The following MYT1L variants were observed in gnomAD, a reference collection of about 807,000 sequenced individuals.
MYT1L encodes myelin transcription factor 1-like protein.
A neutral mutation model predicts 126.7 loss-of-function variants in MYT1L; 12 were observed. The ratio of observed to expected loss-of-function variants is 0.09; its 90% confidence interval spans 0.06 to 0.15. The LOEUF is 0.15. MYT1L is among the 10% of genes least tolerant of loss of function. The probability of loss-of-function intolerance (pLI) is 1.00; values close to 1 mark genes in which losing one functional copy is unlikely to be tolerated. For synonymous variants in MYT1L, 541 were observed against 604.2 expected (o/e 0.90, Z 1.53); for missense variants, 979 against 1,585.2 (o/e 0.62, Z 6.49).
intron 3 of MYT1L, among the ~76,000 whole-genome samples, chr2:2,130,013 G>T (rs770163708): frequency 4.0e-5 from 6 of 151,888 alleles, no homozygotes; most frequent in African/African-American, 9.7e-5. Context: ...AATTTTCTAC[G>T]TGGGAAAAGG....
chr2:2,246,054 A>G (rs9808135), intron 2 of MYT1L, among the ~76,000 whole-genome samples: 29,309 of 152,162 alleles, frequency 0.19, 3,012 homozygotes, highest in Non-Finnish European at 0.23. Flanking sequence ...CATTCTTTCA[A>G]CCACTGTGTT....
At chr2:2,096,775 C>T (rs562878506) in intron 3 of MYT1L, among the ~76,000 whole-genome samples, 17 of 152,172 alleles carry the variant, frequency 1.1e-4, no homozygotes, top group Non-Finnish European at 1.9e-4. Flanking sequence ...TCTGAGAATA[C>T]CGAGGCCACG....
chr2:1,829,966 T>G (rs1032143921), intron 21 of MYT1L, among the ~76,000 whole-genome samples: 1 of 152,194 alleles, frequency 6.6e-6, no homozygotes. Flanking sequence ...GAGTCAATGG[T>G]GCAGGAAAAC....
intron 1 of MYT1L, among the ~76,000 whole-genome samples, chr2:2,285,981 T>C (rs552792735): frequency 6.9e-6 from 1 of 144,012 alleles, no homozygotes; most frequent in Non-Finnish European, 1.6e-5. Flanking sequence ...CTCTTCTTCT[T>C]CTTCTTCCTT....
chr2:2,236,801 TCTTCTTCTTC>T (rs1559421039), intron 2 of MYT1L, among the ~76,000 whole-genome samples: 20 of 20,448 alleles, frequency 9.8e-4, no homozygotes, highest in African/African-American at 2.3e-3. Flanking sequence ...TTCTTCTTCT[TCTTCTTCTTC>T]TTCTTTTTTT....
intron 2 of MYT1L, among the ~76,000 whole-genome samples, chr2:2,262,328 C>T (rs2094989777): frequency 6.6e-6 from 1 of 152,090 alleles, no homozygotes; most frequent in Admixed American, 6.5e-5. Context: ...AATTATGATT[C>T]CTTCCAGCCT....
At chr2:1,951,627 CCT>C (rs563517545) in intron 8 of MYT1L, among the ~76,000 whole-genome samples, 29 of 152,284 alleles carry the variant, frequency 1.9e-4, no homozygotes, top group East Asian at 9.6e-4. Flanking sequence ...AGGATCTGCC[CCT>C]GTTTAACCGC....
At chr2:2,064,786 G>A (rs1451597644) in intron 3 of MYT1L, among the ~76,000 whole-genome samples, 1 of 152,148 alleles carries the variant, frequency 6.6e-6, no homozygotes, top group South Asian at 2.1e-4. Flanking sequence ...AAGCTTGTTG[G>A]AAAGTAAAAT....
At chr2:1,808,945 G>T in intron 22 of MYT1L, 131 bp downstream of exon 22, 1 of 783,204 alleles carries the variant, frequency 1.3e-6, no homozygotes, top group Non-Finnish European at 2.1e-6. Flanking sequence ...TAGATGAGAG[G>T]GCCAGAATTA....
chr2:1,934,061 G>A (rs1036284768), intron 9 of MYT1L, among the ~76,000 whole-genome samples: 5 of 141,668 alleles, frequency 3.5e-5, no homozygotes, highest in Admixed American at 1.5e-4. Context: ...TGCAAGCTCC[G>A]CCTCCCAGGT....
At chr2:1,984,505 ATTTTTTTTT>A (rs35510686) in intron 5 of MYT1L, among the ~76,000 whole-genome samples, 2 of 114,276 alleles carry the variant, frequency 1.8e-5, no homozygotes, top group African/African-American at 7.4e-5. Flanking sequence ...CCAAGAACTA[ATTTTTTTTT>A]TTTTTTTTTT....
At chr2:2,227,864 A>C (rs570511048) in intron 2 of MYT1L, among the ~76,000 whole-genome samples, 5 of 152,346 alleles carry the variant, frequency 3.3e-5, no homozygotes, top group African/African-American at 9.6e-5. Flanking sequence ...ATTATCCAGA[A>C]AAATAATTCA....
intron 4 of MYT1L, among the ~76,000 whole-genome samples, chr2:2,044,540 G>T (rs920239465): frequency 6.6e-6 from 1 of 152,172 alleles, no homozygotes; most frequent in African/African-American, 2.4e-5. Context: ...TTTTGAAAAT[G>T]CTAGAGTCTC....
chr2:1,955,715 C>G (rs2058283081), intron 8 of MYT1L, among the ~76,000 whole-genome samples: 1 of 152,218 alleles, frequency 6.6e-6, no homozygotes, highest in African/African-American at 2.4e-5. Flanking sequence ...CAGTTACAAG[C>G]TGCCATGTCT....
chr2:2,225,514 A>G (rs2093985843), intron 2 of MYT1L, among the ~76,000 whole-genome samples: 1 of 152,148 alleles, frequency 6.6e-6, no homozygotes, highest in Non-Finnish European at 1.5e-5. Context: ...GAGTGGTCTA[A>G]AAACCGTGAG....
chr2:2,166,018 A>T (rs2089051483), intron 3 of MYT1L, among the ~76,000 whole-genome samples: 1 of 152,224 alleles, frequency 6.6e-6, no homozygotes, highest in Non-Finnish European at 1.5e-5. Context: ...ATGAAATATT[A>T]TGAGAGCTAT....
chr2:2,106,273 T>C (rs1475637891), intron 3 of MYT1L, among the ~76,000 whole-genome samples: 2 of 152,216 alleles, frequency 1.3e-5, no homozygotes, highest in Non-Finnish European at 1.5e-5. Context: ...TTTCTTTAAA[T>C]GAGGCTGGAC....
At chr2:1,902,034 T>A (rs1033359458) in intron 14 of MYT1L, among the ~76,000 whole-genome samples, 1 of 152,198 alleles carries the variant, frequency 6.6e-6, no homozygotes, top group African/African-American at 2.4e-5. Context: ...CTAGAGAGCA[T>A]CATGATAAGA....
At chr2:1,971,367 G>A (rs2059795732) in intron 8 of MYT1L, among the ~76,000 whole-genome samples, 1 of 152,160 alleles carries the variant, frequency 6.6e-6, no homozygotes. Context: ...TAGGATGATG[G>A]CCAGGTGTTC....
Sources: gnomAD v4.1 joint callset for allele counts (sites outside exome capture counted in the v4.1 genomes callset) on GRCh38, gnomAD v4.1.1 for gene constraint, MANE v1.5 for transcripts, NCBI Gene and HGNC (gene_info 2026-07-23, HGNC 2026-07-21) for gene names.